The following PARD3B variants were observed in gnomAD, a reference collection of about 807,000 sequenced individuals.
PARD3B encodes the protein partitioning defective 3 homolog B.
In PARD3B, 103 loss-of-function variants were observed where a neutral mutation model predicts 130.2. The ratio of observed to expected loss-of-function variants is 0.79; its 90% CI spans 0.67 to 0.93. The LOEUF (loss-of-function observed/expected upper bound fraction) is 0.93, where lower values mean the gene tolerates loss of function less well. PARD3B is among the 40% of genes least tolerant of loss of function. The pLI is 0.00. For missense variants in PARD3B, 1,609 were observed against 1,499.2 expected, an observed-to-expected ratio of 1.07 and a Z score of -1.21; for synonymous variants, 583 against 553.2, an observed-to-expected ratio of 1.05 and a Z score of -0.76.
At chr2:204,766,984 A>G (rs995288602) in intron 2 of PARD3B, among the ~76,000 whole-genome samples, 2 of 65,400 alleles carry the variant, frequency 3.1e-5, no homozygotes, top group African/African-American at 9.8e-5. Context: ...TTTTTTTCAC[A>G]TTTTTTATTT....
At chr2:204,645,122 G>C (rs2035228653) in intron 1 of PARD3B, among the ~76,000 whole-genome samples, 1 of 152,090 alleles carries the variant, frequency 6.6e-6, no homozygotes. Flanking sequence ...AAGTCATTCT[G>C]TGTGTATTTG....
At chr2:204,722,134 T>A (rs2039026109) in intron 2 of PARD3B, among the ~76,000 whole-genome samples, 1 of 152,190 alleles carries the variant, frequency 6.6e-6, no homozygotes, top group Admixed American at 6.5e-5. Flanking sequence ...TCAAAAATAT[T>A]TTCTTCATCA....
At chr2:205,270,817 C>T (rs891186190) in intron 16 of PARD3B, among the ~76,000 whole-genome samples, 7 of 151,962 alleles carry the variant, frequency 4.6e-5, no homozygotes, top group African/African-American at 1.7e-4. Context: ...AGCGTGCCAG[C>T]CTTATTTATC....
rs1430200267 is a variant in PARD3B at position 205,250,556 on chromosome 2, C to A, written c.2185+4734C>A. Among the ~76,000 whole-genome samples the A allele has an allele frequency of 3.3e-5, 5 of 152,098 alleles. No homozygotes were observed. In the East Asian group the frequency reaches 9.6e-4, roughly 29 times the overall value. Reference sequence around the variant, plus strand: ...AAGTACTCATTAACAATCTAGGGAGCTATTTCTATGTGAGGCCACTAAGTA... The same window carrying A: ...AAGTACTCATTAACAATCTAGGGAGATATTTCTATGTGAGGCCACTAAGTA... On this transcript the variant is annotated intron_variant, in intron 16 of 22. Transcript: ENST00000406610.
intron 2 of PARD3B, among the ~76,000 whole-genome samples, chr2:204,724,255 CT>C (rs1477191073): frequency 6.6e-6 from 1 of 152,066 alleles, no homozygotes; most frequent in Non-Finnish European, 1.5e-5. Flanking sequence ...AATCAAAATC[CT>C]AATATTTAGC....
At chr2:205,335,761 A>C (rs544434067) in intron 18 of PARD3B, among the ~76,000 whole-genome samples, 1 of 152,258 alleles carries the variant, frequency 6.6e-6, no homozygotes, top group African/African-American at 2.4e-5. Flanking sequence ...AGGCAAAAAG[A>C]GAGAGCTTGT....
intron 16 of PARD3B, among the ~76,000 whole-genome samples, chr2:205,247,257 A>G (rs1265148103): frequency 6.6e-6 from 1 of 152,184 alleles, no homozygotes; most frequent in African/African-American, 2.4e-5. Flanking sequence ...CAAGCACACT[A>G]CTATTAGGTG....
At chr2:205,025,122 C>T (rs1696917774) in intron 3 of PARD3B, among the ~76,000 whole-genome samples, 1 of 152,182 alleles carries the variant, frequency 6.6e-6, no homozygotes, top group East Asian at 1.9e-4. Flanking sequence ...GAATATTGAG[C>T]TTCCCCAGGC....
intron 15 of PARD3B, among the ~76,000 whole-genome samples, chr2:205,237,056 C>G (rs1011446210): frequency 5.9e-5 from 9 of 152,290 alleles, no homozygotes; most frequent in Admixed American, 1.3e-4. Context: ...TTCTTCAACA[C>G]AGTGGTTGAT....
intron 18 of PARD3B, among the ~76,000 whole-genome samples, chr2:205,364,857 C>G (rs1233077053): frequency 6.6e-6 from 1 of 152,170 alleles, no homozygotes; most frequent in African/African-American, 2.4e-5. Context: ...GAAGGTTGCT[C>G]ACTCCACTGG....
At chr2:205,526,561 G>A (rs2051346061) in intron 21 of PARD3B, among the ~76,000 whole-genome samples, 1 of 152,146 alleles carries the variant, frequency 6.6e-6, no homozygotes, top group Non-Finnish European at 1.5e-5. Flanking sequence ...CTGCTCGTCT[G>A]CTGTTTATGG....
chr2:205,436,658 G>C (rs546374397), intron 19 of PARD3B, among the ~76,000 whole-genome samples: 41 of 152,102 alleles, frequency 2.7e-4, no homozygotes, highest in African/African-American at 9.9e-4. Context: ...GTTACCAGCA[G>C]CTTCAATTCT....
At chr2:205,163,519 A>G (rs2034627999) in intron 11 of PARD3B, among the ~76,000 whole-genome samples, 1 of 152,238 alleles carries the variant, frequency 6.6e-6, no homozygotes, top group Non-Finnish European at 1.5e-5. Context: ...GGATTTCATA[A>G]TCTGCACTGT....
chr2:204,687,354 ATAAC>A (rs1229397299), intron 2 of PARD3B, among the ~76,000 whole-genome samples: 26 of 152,096 alleles, frequency 1.7e-4, no homozygotes, highest in East Asian at 7.7e-4. Flanking sequence ...ATTTAGGGAG[ATAAC>A]TAACTAAGTT....
chr2:204,709,469 G>T (rs1006728531), intron 2 of PARD3B, among the ~76,000 whole-genome samples: 2 of 152,180 alleles, frequency 1.3e-5, no homozygotes, highest in Non-Finnish European at 2.9e-5. Context: ...ATGAGCATAT[G>T]TGTCTTTTAT....
At chr2:205,512,095 A>C (rs2050609565) in intron 21 of PARD3B, among the ~76,000 whole-genome samples, 1 of 152,192 alleles carries the variant, frequency 6.6e-6, no homozygotes. Context: ...TCACTACGGT[A>C]ATATTGGAAT....
intron 4 of PARD3B, among the ~76,000 whole-genome samples, chr2:205,071,731 G>A (rs56320876): frequency 6.6e-6 from 1 of 152,126 alleles, no homozygotes; most frequent in East Asian, 1.9e-4. Context: ...GTATGTGTGT[G>A]TGTATACAGA....
At chr2:205,096,320 G>T in intron 4 of PARD3B, among the ~76,000 whole-genome samples, 1 of 152,116 alleles carries the variant, frequency 6.6e-6, no homozygotes. Flanking sequence ...AAGCAATGAT[G>T]AACTTATATT....
chr2:205,552,318 A>G (rs538771409), intron 21 of PARD3B, among the ~76,000 whole-genome samples: 1 of 151,956 alleles, frequency 6.6e-6, no homozygotes, highest in African/African-American at 2.4e-5. Context: ...GTCGGGGGGC[A>G]TCATGGATGC....
Sources: allele counts gnomAD v4.1 joint callset (sites outside exome capture counted in the v4.1 genomes callset), GRCh38; gene constraint gnomAD v4.1.1; transcripts MANE v1.5; gene names NCBI Gene and HGNC (gene_info 2026-07-23, HGNC 2026-07-21).